PRR29: variants seen among roughly 807,000 people sequenced by gnomAD.
The protein encoded by PRR29 is proline-rich protein 29.
In PRR29, 20 loss-of-function variants were observed where a neutral mutation model predicts 25.1. The ratio of observed to expected loss-of-function variants is 0.80; its 90% CI spans 0.56 to 1.16. The LOEUF (loss-of-function observed/expected upper bound fraction) is 1.16, where lower values mean the gene tolerates loss of function less well. Ranked by LOEUF, PRR29 falls within the 50% of genes most tolerant of loss-of-function variation. The probability of loss-of-function intolerance (pLI) is 0.00; values close to 1 mark genes in which losing one functional copy is unlikely to be tolerated. For synonymous variants in PRR29, 108 were observed against 102.6 expected, an observed-to-expected ratio of 1.05 and a Z score of -0.32; for missense variants, 238 against 246.6, an observed-to-expected ratio of 0.97 and a Z score of 0.23.
Position 64,003,024 on chromosome 17 carries a change from CCCG to C in PRR29, c.*1269_*1271del. 4 of 1,016,170 alleles carry C rather than the reference CCCG, an allele frequency of 3.9e-6. No individual in the cohort carries two copies. In the Admixed American group the frequency reaches 1.0e-4, roughly 25 times the overall value. 62.9% of individuals were successfully genotyped at this position (1,016,170 alleles called of 1,614,324 possible). A position where few individuals can be genotyped will look rare whatever the true frequency, so the allele number is the denominator to read the frequency against. On this transcript the variant is annotated 3_prime_UTR_variant, in exon 6 of 6. Transcript: ENST00000412177. ...CCACCCCCAACCCAGACCCCCAGAC[CCCG>C]CCGCCCGCTCATGCATCCAGCAGTC...
intron 1 of PRR29, 22 bp from the exon 2 acceptor site, chr17:63,998,685 C>A: frequency 6.9e-7 from 1 of 1,459,382 alleles, no homozygotes; most frequent in Non-Finnish European, 9.2e-7. Flanking sequence ...CCCCACCTGG[C>A]TGACTCCGCG....
Position 64,003,054 on chromosome 17 carries a change from C to A in PRR29, c.*1293C>A, listed in dbSNP as rs377288042. On this transcript the variant is annotated 3_prime_UTR_variant, in exon 6 of 6. Transcript: ENST00000412177. ...CGCCCGCTCATGCATCCAGCAGTCACCCCAGTTGCAGAGATGAGTGGTGAA... is the reference window on the plus strand; with the variant it reads ...CGCCCGCTCATGCATCCAGCAGTCAACCCAGTTGCAGAGATGAGTGGTGAA... The A allele has an allele frequency of 2.8e-6, 2 of 708,456 alleles. No individual in the cohort carries two copies. Among genetic ancestry groups the A allele is most frequent in the African/African-American group, 3.6e-5 (2 of 55,874 alleles). The allele number at this position is 708,456 out of a possible 1,614,324, so 43.9% of individuals were successfully genotyped here. A position where few individuals can be genotyped will look rare whatever the true frequency, so the allele number is the denominator to read the frequency against.
In PRR29 at chr17:63,998,431, G is replaced by T; in HGVS notation, c.60+7G>T. 6.8e-7 allele frequency: 1 copy of T among 1,481,412 alleles called. No individual in the cohort carries two copies. The highest frequency in any genetic ancestry group is 8.9e-7 in the Non-Finnish European group (1 of 1,118,546). 91.8% of individuals were successfully genotyped at this position (1,481,412 alleles called of 1,614,324 possible). A position where few individuals can be genotyped will look rare whatever the true frequency, so the allele number is the denominator to read the frequency against. Reference sequence around the variant, plus strand: ...GCAGAGCGCAGTCCCGACGGTGAGGGCTGAGCCCGGGAGCAGATCCTGCCT... The same window carrying T: ...GCAGAGCGCAGTCCCGACGGTGAGGTCTGAGCCCGGGAGCAGATCCTGCCT... On this transcript the variant is annotated splice_region_variant and intron_variant, in intron 1 of 5. Coordinates refer to ENST00000412177, the MANE Select transcript of PRR29 (RefSeq NM_001164257.2).
intron 1 of PRR29, 84 bp downstream of exon 1, chr17:63,998,508 G>A: frequency 1.5e-6 from 2 of 1,373,640 alleles, no homozygotes; most frequent in South Asian, 1.5e-5. Context: ...GCCAGATCCT[G>A]GAGGGGTGGG....
chr17:63,999,263 C>A (rs756341293), intron 3 of PRR29, 189 bp downstream of exon 3: 10 of 599,756 alleles, frequency 1.7e-5, no homozygotes, highest in Non-Finnish European at 2.7e-5. Flanking sequence ...GGGGAAGAGA[C>A]CCCCCAAAGT....
rs527427734 is a variant in PRR29 at position 64,000,595 on chromosome 17, C to G, written c.244-489C>G. ...CCGTCCGCCTCAGCCTCCCAAAGTG[C>G]CGGGATTACAGGCATGAGCCACCGC... On this transcript the variant is annotated intron_variant, in intron 3 of 5. Coordinates refer to ENST00000412177, the MANE Select transcript of PRR29 (RefSeq NM_001164257.2). Among the ~76,000 whole-genome samples, 65 of 151,458 alleles carry G rather than the reference C, an allele frequency of 4.3e-4. 1 individual carries two copies. The South Asian group carries it at 0.014, about 32-fold the overall frequency.
chr17:64,001,688 C>G, intron 5 of PRR29, 45 bp from the exon 6 acceptor site: 2 of 1,533,528 alleles, frequency 1.3e-6, no homozygotes, highest in South Asian at 1.2e-5. Context: ...TCTTTGGGGT[C>G]CACTGAGACA....
At chr17:64,001,393 G>C in intron 4 of PRR29, 74 bp from the exon 5 acceptor site, 1 of 1,488,596 alleles carries the variant, frequency 6.7e-7, no homozygotes, top group East Asian at 2.5e-5. Context: ...GGTCGGTGGA[G>C]ATAACTTGTG....
At position 64,004,051 on chromosome 17, in the gene PRR29, A is replaced by G; in HGVS notation, c.*2290A>G. 2.9e-6 allele frequency: 3 copies of G among 1,036,962 alleles called. No individual in the cohort carries two copies. Among genetic ancestry groups the G allele is most frequent in the Non-Finnish European group, 4.2e-6 (3 of 719,784 alleles). 64.2% of individuals were successfully genotyped at this position (1,036,962 alleles called of 1,614,324 possible). A position where few individuals can be genotyped will look rare whatever the true frequency, so the allele number is the denominator to read the frequency against. On this transcript the variant is annotated 3_prime_UTR_variant, in exon 6 of 6. Coordinates refer to ENST00000412177, the MANE Select transcript of PRR29 (RefSeq NM_001164257.2). ...CTGGCCAGGGCCATCTCCTGTCACC[A>G]TGGTGTTCCACGGTTGGGGAGGAGG...
At position 64,001,369 on chromosome 17, in the gene PRR29, G is replaced by A. The variant is rs1444006771; in HGVS notation, c.470+59G>A. On this transcript the variant is annotated intron_variant, in intron 4 of 5. Coordinates refer to ENST00000412177, the MANE Select transcript of PRR29 (RefSeq NM_001164257.2). Reference sequence around the variant, plus strand: ...CTGGGCTGGAAGTTGCAGAAGAGCTGTGCAGGGGCTGGTGGTCGGTGGAGA... The same window carrying A: ...CTGGGCTGGAAGTTGCAGAAGAGCTATGCAGGGGCTGGTGGTCGGTGGAGA... 8.0e-6 allele frequency: 12 copies of A among 1,505,080 alleles called. No homozygotes were observed. In the East Asian group the frequency reaches 2.7e-4, roughly 34 times the overall value. 93.2% of individuals were successfully genotyped at this position (1,505,080 alleles called of 1,614,324 possible). A position where few individuals can be genotyped will look rare whatever the true frequency, so the allele number is the denominator to read the frequency against.
rs776780307 is a variant in PRR29 at position 64,003,785 on chromosome 17, C to T, written c.*2024C>T. On this transcript the variant is annotated 3_prime_UTR_variant, in exon 6 of 6. Coordinates refer to ENST00000412177, the MANE Select transcript of PRR29 (RefSeq NM_001164257.2). Reference sequence around the variant, plus strand: ...GTGCTGTTGAATGTGGCTGTGGCCTCCTGCGGAGCAGGGGCTGCCTTCCCG... The same window carrying T: ...GTGCTGTTGAATGTGGCTGTGGCCTTCTGCGGAGCAGGGGCTGCCTTCCCG... The T allele has an allele frequency of 7.4e-6, 12 of 1,614,252 alleles. No individual in the cohort carries two copies. The highest frequency in any genetic ancestry group is 1.0e-5 in the Non-Finnish European group (12 of 1,180,050).
chr17:64,002,484 C>T lies in PRR29; in HGVS notation c.*723C>T, dbSNP rs1405290322. 2.0e-6 allele frequency: 1 copy of T among 508,950 alleles called. No homozygotes were observed. The highest frequency in any genetic ancestry group is 3.6e-6 in the Non-Finnish European group (1 of 281,152). 31.5% of individuals were successfully genotyped at this position (508,950 alleles called of 1,614,324 possible). A position where few individuals can be genotyped will look rare whatever the true frequency, so the allele number is the denominator to read the frequency against. ...GGGGCCTGTTGCATGGGCTGGGAGGCCCCTGTGAAGGAGAGGGTGGGGAGG... is the reference window on the plus strand; with the variant it reads ...GGGGCCTGTTGCATGGGCTGGGAGGTCCCTGTGAAGGAGAGGGTGGGGAGG... On this transcript the variant is annotated 3_prime_UTR_variant, in exon 6 of 6. Coordinates refer to ENST00000412177, the MANE Select transcript of PRR29 (RefSeq NM_001164257.2).
chr17:63,998,513 G>T, intron 1 of PRR29, 89 bp downstream of exon 1: 1 of 1,364,734 alleles, frequency 7.3e-7, no homozygotes, highest in Non-Finnish European at 9.7e-7. Context: ...ATCCTGGAGG[G>T]GTGGGGGACG....
intron 2 of PRR29, 32 bp from the exon 3 acceptor site, chr17:63,998,936 C>A (rs1910350644): frequency 1.3e-6 from 2 of 1,530,818 alleles, no homozygotes; most frequent in East Asian, 2.4e-5. Context: ...ACTCGGAGGC[C>A]CGGCGTGGGC....
Position 64,001,520 on chromosome 17 carries a change from A to G in PRR29, c.524A>G (p.Asp175Gly). The change falls in exon 5 of 6, where the codon GAT becomes GGT. Residue 175 changes from aspartate to glycine, a missense_variant. By Grantham distance (94) the Asp-to-Gly change is moderately conservative (BLOSUM62 -1). Transcript: ENST00000412177. ...PPSATGTVGADVPPASDYYDA... is the reference protein window; with the variant it reads ...PPSATGTVGAGVPPASDYYDA... ...AGTGCCACAGGGACTGTGGGTGCTG[A>G]TGTACCCCCGGCTTCAGGTAGGGCT... 6.6e-7 allele frequency: 1 copy of G among 1,516,088 alleles called. No homozygotes were observed. The highest frequency in any genetic ancestry group is 1.4e-5 in the African/African-American group (1 of 72,232). 93.9% of individuals were successfully genotyped at this position (1,516,088 alleles called of 1,614,324 possible).
chr17:63,998,798 C>CT lies in PRR29; in HGVS notation c.136+16_136+17insT. On this transcript the variant is annotated intron_variant, in intron 2 of 5. Coordinates refer to ENST00000412177, the MANE Select transcript of PRR29 (RefSeq NM_001164257.2). ...GTGAAGGAAGGTGAGACTCCCGGGT[C>CT]CCCCCACCCCACCCCCACCATCACC... 1.3e-6 allele frequency: 1 copy of CT among 773,438 alleles called. No individual in the cohort carries two copies. 47.9% of individuals were successfully genotyped at this position (773,438 alleles called of 1,614,324 possible).
In PRR29 at chr17:64,002,244, G is replaced by A. The variant is rs888064859; in HGVS notation, c.*483G>A. On this transcript the variant is annotated 3_prime_UTR_variant, in exon 6 of 6. Coordinates refer to ENST00000412177, the MANE Select transcript of PRR29 (RefSeq NM_001164257.2). ...TCGGGGAGAGACTTTGCTGGGCAGC[G>A]CCCCTGAGCAGAGTCAGTTCGCTGG... is the stretch of plus-strand genomic sequence containing the variant. 1.1e-5 allele frequency: 6 copies of A among 549,802 alleles called. No homozygotes were observed. The highest frequency in any genetic ancestry group is 6.3e-5 in the East Asian group (2 of 31,964). 34.1% of individuals were successfully genotyped at this position (549,802 alleles called of 1,614,324 possible).
rs1598013080 is a variant in PRR29 at position 64,002,790 on chromosome 17, A to G, written c.*1029A>G. On this transcript the variant is annotated 3_prime_UTR_variant, in exon 6 of 6. Coordinates refer to ENST00000412177, the MANE Select transcript of PRR29 (RefSeq NM_001164257.2). ...GGGCAGCCTCCTCCAAGCCGCTCGC[A>G]CCCCGTAGGTGCCCATCCGCTGCTG... The G allele has an allele frequency of 6.2e-7, 1 of 1,613,322 alleles. No homozygotes were observed. Among genetic ancestry groups the G allele is most frequent in the African/African-American group, 1.3e-5 (1 of 74,930 alleles).
chr17:64,003,980 G>C lies in PRR29; in HGVS notation c.*2219G>C. 6.3e-7 allele frequency: 1 copy of C among 1,590,112 alleles called. No homozygotes were observed. ...CTTGGAGGCTCTGCAGGGGACAAAG[G>C]AGGGAGGTCTGGTCAGGATGGGGGT... On this transcript the variant is annotated 3_prime_UTR_variant, in exon 6 of 6. Coordinates refer to ENST00000412177, the MANE Select transcript of PRR29 (RefSeq NM_001164257.2).
Sources: allele counts gnomAD v4.1 joint callset (sites outside exome capture counted in the v4.1 genomes callset), GRCh38; gene constraint gnomAD v4.1.1; transcripts MANE v1.5; gene names NCBI Gene and HGNC (gene_info 2026-07-23, HGNC 2026-07-21).